The following SPATS2 variants were observed in gnomAD, a reference collection of about 807,000 sequenced individuals.
SPATS2 encodes spermatogenesis-associated serine-rich protein 2.
A neutral mutation model predicts 63.7 loss-of-function variants in SPATS2; 38 were observed. The observed-to-expected ratio is 0.60, with a 90% confidence interval of 0.46 to 0.78. The LOEUF is 0.78. Ranked by LOEUF, SPATS2 falls within the 30% of genes least tolerant of loss-of-function variation. The pLI, the probability that SPATS2 is intolerant of heterozygous loss-of-function variation, is 0.00. For synonymous variants in SPATS2, 207 were observed against 232.9 expected (o/e 0.89, Z 1.01); for missense variants, 588 against 666.2 (o/e 0.88, Z 1.29).
intron 13 of SPATS2, 82 bp downstream of exon 13, chr12:49,524,978 T>C (rs889823950): frequency 3.7e-6 from 5 of 1,345,818 alleles, no homozygotes; most frequent in Non-Finnish European, 3.1e-6. Flanking sequence ...CTCAGTATAT[T>C]ATCTTCCTCT....
At chr12:49,494,369 C>T (rs936246770) in intron 6 of SPATS2, among the ~76,000 whole-genome samples, 1 of 152,138 alleles carries the variant, frequency 6.6e-6, no homozygotes, top group Non-Finnish European at 1.5e-5. Context: ...ATGCTTATAG[C>T]TTATACTATT....
chr12:49,455,922 C>T (rs1170596935), intron 2 of SPATS2, among the ~76,000 whole-genome samples: 1 of 152,192 alleles, frequency 6.6e-6, no homozygotes, highest in African/African-American at 2.4e-5. Context: ...GTGCCCAGGT[C>T]CCTTAGTCTT....
chr12:49,370,302 C>T (rs1211992688), intron 1 of SPATS2, among the ~76,000 whole-genome samples: 1 of 152,170 alleles, frequency 6.6e-6, no homozygotes, highest in Admixed American at 6.5e-5. Context: ...CATATTAAAA[C>T]TGGGAACTAA....
chr12:49,447,085 T>G (rs932357102), intron 2 of SPATS2, among the ~76,000 whole-genome samples: 41 of 151,582 alleles, frequency 2.7e-4, no homozygotes, highest in African/African-American at 9.2e-4. Flanking sequence ...CCTGCCACCA[T>G]GCCCGGCTAA....
At chr12:49,505,677 G>T (rs986105807) in intron 9 of SPATS2, among the ~76,000 whole-genome samples, 1 of 151,942 alleles carries the variant, frequency 6.6e-6, no homozygotes, top group East Asian at 1.9e-4. Context: ...TTATATTATT[G>T]GATTTTTTTA....
In SPATS2 at chr12:49,490,690, A is replaced by G. The variant is rs142230440; in HGVS notation, c.223A>G (p.Ser75Gly). 6,170 of 1,614,028 alleles carry G rather than the reference A, an allele frequency of 3.8e-3. 19 individuals carry two copies. Among genetic ancestry groups the G allele is most frequent in the Non-Finnish European group, 4.4e-3 (5,243 of 1,179,932 alleles). Residue 75 changes from serine (S) to glycine (G), a missense_variant, in exon 6 of 14, where the codon AGT (serine) becomes GGT (glycine). Transcript: ENST00000552918. Reference sequence around the variant, plus strand: ...ATTGGTTTCTCTTACAGGTAGTGCCAGTGAAGTACTCAAAGAATGGACAGT... The same window carrying G: ...ATTGGTTTCTCTTACAGGTAGTGCCGGTGAAGTACTCAAAGAATGGACAGT... ...TVQAFMEGSA[S>G]EVLKEWTVTG...
Position 49,461,048 on chromosome 12 carries a change from A to C in SPATS2, c.25+11A>C. ...AACAGAACCAGAAGGGTAAGATTAC[A>C]TGTGGGCATAAATTGTTAAAAGCAT... On this transcript the variant is annotated intron_variant, in intron 3 of 13. Transcript: ENST00000552918. 2 of 1,613,656 alleles carry C rather than the reference A, an allele frequency of 1.2e-6. No homozygotes were observed. Among genetic ancestry groups the C allele is most frequent in the East Asian group, 2.2e-5 (1 of 44,840 alleles).
At chr12:49,415,485 ATC>A (rs1944874287) in intron 2 of SPATS2, among the ~76,000 whole-genome samples, 1 of 152,320 alleles carries the variant, frequency 6.6e-6, no homozygotes, top group South Asian at 2.1e-4. Context: ...TCTGGAGCTT[ATC>A]TCTCTCTATC....
At chr12:49,377,014 C>A (rs1944119073) in intron 2 of SPATS2, among the ~76,000 whole-genome samples, 1 of 152,158 alleles carries the variant, frequency 6.6e-6, no homozygotes, top group Non-Finnish European at 1.5e-5. Context: ...CCTCACCCAG[C>A]CCAGTGTTTC....
intron 3 of SPATS2, among the ~76,000 whole-genome samples, chr12:49,468,696 C>T (rs966937697): frequency 2.0e-5 from 3 of 151,856 alleles, no homozygotes; most frequent in Admixed American, 6.6e-5. Flanking sequence ...AGGCTGGCCT[C>T]GAACTCCTTG....
chr12:49,522,717 C>G, intron 11 of SPATS2, 34 bp from the exon 12 acceptor site: 1 of 1,557,252 alleles, frequency 6.4e-7, no homozygotes, highest in Non-Finnish European at 8.8e-7. Context: ...TGTTGTTTGT[C>G]TAACCTGGAG....
At chr12:49,437,226 A>T (rs1592395128) in intron 2 of SPATS2, among the ~76,000 whole-genome samples, 1 of 150,174 alleles carries the variant, frequency 6.7e-6, no homozygotes, top group Non-Finnish European at 1.5e-5. Context: ...CTCACATCCC[A>T]GACGGGGCGG....
At chr12:49,440,921 T>C (rs1416380186) in intron 2 of SPATS2, among the ~76,000 whole-genome samples, 2 of 152,250 alleles carry the variant, frequency 1.3e-5, no homozygotes, top group African/African-American at 2.4e-5. Context: ...AGCCACATGA[T>C]GTTCATTTGC....
chr12:49,418,676 A>G (rs777406436), intron 2 of SPATS2, among the ~76,000 whole-genome samples: 23 of 152,162 alleles, frequency 1.5e-4, no homozygotes, highest in Non-Finnish European at 3.1e-4. Context: ...CCTGGCCTCA[A>G]GTGATCCATC....
rs139738232 is a variant in SPATS2, at chr12:49,383,345, G to A, written c.-244+12055G>A. Among the ~76,000 whole-genome samples the A allele has an allele frequency of 1.4e-3, 214 of 152,046 alleles. 1 individual carries two copies. The highest frequency in any genetic ancestry group is 4.7e-3 in the African/African-American group (197 of 41,510). ...GTATGTATTTTTTTAATGATATTTT[G>A]TATATTCTTTAACTTTTTCTTTTTA... On this transcript the variant is annotated intron_variant, in intron 2 of 13. Coordinates refer to ENST00000552918, the MANE Select transcript of SPATS2 (RefSeq NM_023071.4).
At chr12:49,462,052 T>C (rs1024707762) in intron 3 of SPATS2, among the ~76,000 whole-genome samples, 1 of 152,182 alleles carries the variant, frequency 6.6e-6, no homozygotes, top group Non-Finnish European at 1.5e-5. Context: ...AGAAATACTA[T>C]AGTAAAAATA....
intron 2 of SPATS2, among the ~76,000 whole-genome samples, chr12:49,415,564 ATCTAG>A (rs1944875695): frequency 6.6e-6 from 1 of 152,152 alleles, no homozygotes; most frequent in African/African-American, 2.4e-5. Flanking sequence ...AAATCTCCTT[ATCTAG>A]TCTGTCAGTT....
intron 13 of SPATS2, among the ~76,000 whole-genome samples, chr12:49,525,455 A>G (rs1947016745): frequency 6.6e-6 from 1 of 152,168 alleles, no homozygotes; most frequent in Non-Finnish European, 1.5e-5. Flanking sequence ...AAAATCCCAT[A>G]CCGTAAGCTT....
intron 2 of SPATS2, among the ~76,000 whole-genome samples, chr12:49,436,438 G>A (rs1327458069): frequency 4.9e-5 from 7 of 143,778 alleles, no homozygotes; most frequent in African/African-American, 1.3e-4. Flanking sequence ...GCGGCTGGCC[G>A]GGCAGAGGGG....
Sources: allele counts gnomAD v4.1 joint callset (sites outside exome capture counted in the v4.1 genomes callset), GRCh38; gene constraint gnomAD v4.1.1; transcripts MANE v1.5; gene names NCBI Gene and HGNC (gene_info 2026-07-23, HGNC 2026-07-21).